Variants in ZNF569 observed in about 807,000 individuals in gnomAD.
ZNF569 encodes DNA-binding protein.
In ZNF569, 38 loss-of-function variants were observed where a neutral mutation model predicts 56.3. The ratio of observed to expected loss-of-function variants is 0.68; its 90% CI spans 0.52 to 0.88. The LOEUF is 0.88. ZNF569 is among the 40% of genes least tolerant of loss of function. ZNF569 has a pLI of 0.00. For missense variants in ZNF569, 666 were observed against 809.2 expected, an observed-to-expected ratio of 0.82 and a Z score of 2.15; for synonymous variants, 241 against 262.9, an observed-to-expected ratio of 0.92 and a Z score of 0.81.
At chr19:37,466,262 C>T (rs1311169955) in intron 1 of ZNF569, among the ~76,000 whole-genome samples, 2 of 152,102 alleles carry the variant, frequency 1.3e-5, no homozygotes, top group African/African-American at 4.8e-5. Flanking sequence ...CACAAAACAA[C>T]GTAGCTAATA....
intron 3 of ZNF569, among the ~76,000 whole-genome samples, chr19:37,430,610 T>C (rs547182878): frequency 6.7e-6 from 1 of 149,712 alleles, no homozygotes; most frequent in African/African-American, 2.4e-5. Flanking sequence ...AGAGAGGAAG[T>C]AGGGAAAGAG....
intron 2 of ZNF569, among the ~76,000 whole-genome samples, chr19:37,448,041 T>C (rs902875141): frequency 6.6e-6 from 1 of 152,192 alleles, no homozygotes; most frequent in Admixed American, 6.5e-5. Context: ...TACTAGTCTG[T>C]AGTTTTCTTG....
At chr19:37,425,730 G>A in intron 5 of ZNF569, 138 bp downstream of exon 5, 2 of 677,526 alleles carry the variant, frequency 3.0e-6, no homozygotes, top group Non-Finnish European at 4.9e-6. Context: ...TTCCCAAAGT[G>A]CTGGGACTAT....
At chr19:37,461,903 C>T (rs764277206) in intron 2 of ZNF569, among the ~76,000 whole-genome samples, 3 of 152,188 alleles carry the variant, frequency 2.0e-5, no homozygotes, top group Non-Finnish European at 4.4e-5. Context: ...TGCGGATGAA[C>T]ACTGCAGGAG....
intron 2 of ZNF569, among the ~76,000 whole-genome samples, chr19:37,446,549 C>T (rs1390866269): frequency 1.7e-5 from 1 of 60,452 alleles, no homozygotes; most frequent in Admixed American, 1.9e-4. Context: ...GACTCCATCT[C>T]AAAAAAAAAA....
upstream of ZNF569, chr19:37,468,094 G>GTT (rs145332123): frequency 3.1e-4 from 204 of 663,384 alleles, no homozygotes; most frequent in South Asian, 5.4e-4. Context: ...TGTTTGTTTT[G>GTT]TTTTTTTTGA....
intron 2 of ZNF569, among the ~76,000 whole-genome samples, chr19:37,446,721 C>A (rs2041504114): frequency 6.6e-6 from 1 of 151,840 alleles, no homozygotes; most frequent in Admixed American, 6.6e-5. Flanking sequence ...ACTTCATGAC[C>A]AAGAACCGAA....
At chr19:37,420,937 G>C (rs2041025062) in intron 5 of ZNF569, among the ~76,000 whole-genome samples, 3 of 152,194 alleles carry the variant, frequency 2.0e-5, no homozygotes, top group Non-Finnish European at 2.9e-5. Context: ...GCTGCAGAAT[G>C]GATGTTGTAT....
At chr19:37,435,728 A>C (rs964473214) in intron 3 of ZNF569, among the ~76,000 whole-genome samples, 1 of 152,024 alleles carries the variant, frequency 6.6e-6, no homozygotes, top group Non-Finnish European at 1.5e-5. Flanking sequence ...ACTTCAAGAC[A>C]AAAACTATAA....
chr19:37,446,353 T>A (rs955488605), intron 2 of ZNF569, among the ~76,000 whole-genome samples: 1 of 151,858 alleles, frequency 6.6e-6, no homozygotes, highest in Non-Finnish European at 1.5e-5. Context: ...ATTGAGACCA[T>A]CCTGGCTAAC....
chr19:37,469,096 C>T, upstream of ZNF569: 2 of 1,043,732 alleles, frequency 1.9e-6, no homozygotes, highest in Non-Finnish European at 2.3e-6. Context: ...TGACGCTGGG[C>T]CCCGTCCCTG....
chr19:37,441,709 G>A (rs2041409992), intron 3 of ZNF569, among the ~76,000 whole-genome samples: 1 of 152,004 alleles, frequency 6.6e-6, no homozygotes, highest in East Asian at 1.9e-4. Flanking sequence ...GGGGTTTAGG[G>A]GACCCAGGAA....
At position 37,434,107 on chromosome 19, in the gene ZNF569, C is replaced by G. The variant is rs138173120; in HGVS notation, c.16-7729G>C. Among the ~76,000 whole-genome samples, 25 of 152,048 alleles carry G rather than the reference C, an allele frequency of 1.6e-4. No individual in the cohort carries two copies. In the East Asian group the frequency reaches 4.9e-3, roughly 30 times the overall value. ...CACGAGGTCAACAGATGAGACCATT[C>G]TGGCCAACACTGTGAAACGCCATCT... On this transcript the variant is annotated intron_variant, in intron 3 of 5. Transcript: ENST00000316950.
chr19:37,415,700 C>A (rs1484197487), intron 5 of ZNF569, among the ~76,000 whole-genome samples: 1 of 143,732 alleles, frequency 7.0e-6, no homozygotes, highest in Admixed American at 7.0e-5. Flanking sequence ...GAAACCCCAT[C>A]TCTACTAAAA....
chr19:37,444,986 A>C (rs1388400710), intron 2 of ZNF569, 22 bp from the exon 3 acceptor site: 1 of 1,583,870 alleles, frequency 6.3e-7, no homozygotes, highest in South Asian at 1.2e-5. Flanking sequence ...AATAAAAGTC[A>C]TTAAAATAGG....
upstream of ZNF569, chr19:37,469,089 C>G (rs1429720741): frequency 9.7e-7 from 1 of 1,035,470 alleles, no homozygotes; most frequent in South Asian, 3.5e-5. Context: ...TGTAGTGTGA[C>G]GCTGGGCCCC....
chr19:37,463,609 G>A (rs1293844301), intron 2 of ZNF569, among the ~76,000 whole-genome samples: 2 of 152,140 alleles, frequency 1.3e-5, no homozygotes, highest in African/African-American at 2.4e-5. Context: ...TATTGTTAGA[G>A]TATATCCCTA....
At chr19:37,430,977 C>G (rs2041216323) in intron 3 of ZNF569, among the ~76,000 whole-genome samples, 1 of 152,152 alleles carries the variant, frequency 6.6e-6, no homozygotes, top group African/African-American at 2.4e-5. Context: ...CAGTTGGTGC[C>G]CACACCAGAA....
chr19:37,460,518 G>A (rs1329509583), intron 2 of ZNF569, among the ~76,000 whole-genome samples: 1 of 150,684 alleles, frequency 6.6e-6, no homozygotes, highest in Non-Finnish European at 1.5e-5. Flanking sequence ...TTAGAAGACA[G>A]ATTGTCAGAG....
Sources: allele counts gnomAD v4.1 joint callset (sites outside exome capture counted in the v4.1 genomes callset), GRCh38; gene constraint gnomAD v4.1.1; transcripts MANE v1.5; gene names NCBI Gene and HGNC (gene_info 2026-07-23, HGNC 2026-07-21).